Variants in EXOC4 observed in about 807,000 individuals in gnomAD.
The protein encoded by EXOC4 is SEC8-like 1.
A neutral mutation model predicts 107.2 loss-of-function variants in EXOC4; 71 were observed. That is an observed-to-expected ratio of 0.66 (90% CI 0.55 to 0.81). The LOEUF (loss-of-function observed/expected upper bound fraction) is 0.81. EXOC4 is among the 30% of genes least tolerant of loss of function. The probability of loss-of-function intolerance (pLI) is 0.00; values close to 1 mark genes in which losing one functional copy is unlikely to be tolerated. For synonymous variants in EXOC4, 456 were observed against 441.2 expected (o/e 1.03, Z -0.42); for missense variants, 1,108 against 1,189.6 (o/e 0.93, Z 1.01).
intron 7 of EXOC4, among the ~76,000 whole-genome samples, chr7:133,391,498 C>T (rs192242956): frequency 2.0e-5 from 3 of 152,254 alleles, no homozygotes; most frequent in East Asian, 1.9e-4. Context: ...GTGTAGGACA[C>T]GTGCGTACTG....
chr7:133,545,483 T>C (rs1563103311), intron 9 of EXOC4, among the ~76,000 whole-genome samples: 3 of 152,180 alleles, frequency 2.0e-5, no homozygotes, highest in South Asian at 4.1e-4. Context: ...CTTTCCCTTT[T>C]CCCATTAAAT....
intron 9 of EXOC4, among the ~76,000 whole-genome samples, chr7:133,597,904 A>G (rs566325429): frequency 6.6e-6 from 1 of 151,974 alleles, no homozygotes; most frequent in East Asian, 1.9e-4. Context: ...AATCAATCCC[A>G]GCTACTCTGG....
chr7:133,467,748 T>A (rs984378097), intron 7 of EXOC4, among the ~76,000 whole-genome samples: 1 of 150,410 alleles, frequency 6.6e-6, no homozygotes, highest in Admixed American at 6.6e-5. Flanking sequence ...TTCTGTGCCT[T>A]CATTTTTTTT....
At chr7:133,672,482 G>A (rs1435807056) in intron 10 of EXOC4, among the ~76,000 whole-genome samples, 4 of 151,890 alleles carry the variant, frequency 2.6e-5, no homozygotes, top group Non-Finnish European at 2.9e-5. Flanking sequence ...TCATATGTGT[G>A]TAGTGGTTAC....
intron 9 of EXOC4, among the ~76,000 whole-genome samples, chr7:133,489,003 A>G (rs1313364854): frequency 7.0e-5 from 4 of 57,278 alleles, no homozygotes; most frequent in Non-Finnish European, 1.3e-4. Flanking sequence ...TGTAATATAT[A>G]TGAATCTAAT....
chr7:133,759,144 A>ATTTTTTTTTTTTTT (rs34768347), intron 10 of EXOC4, among the ~76,000 whole-genome samples: 12 of 140,630 alleles, frequency 8.5e-5, no homozygotes, highest in Non-Finnish European at 1.2e-4. Flanking sequence ...CAACAAAAGA[A>ATTTTTTTTTTTTTT]TTTTTTTTTT....
At chr7:134,000,239 G>A (rs969335406) in intron 15 of EXOC4, among the ~76,000 whole-genome samples, 4 of 152,100 alleles carry the variant, frequency 2.6e-5, no homozygotes, top group South Asian at 2.1e-4. Context: ...GAATGTAGAT[G>A]CACTTACTCT....
rs760107195 is a variant in EXOC4, at chr7:133,328,724, T to C, written c.763+11334T>C. ...TGAAATCCTAGGTTGAAAATTCTTT[T>C]CTTTAAGAATGTTGAATATTGGCCC... On this transcript the variant is annotated intron_variant, in intron 5 of 17. Transcript: ENST00000253861. 1.8e-4 allele frequency among the ~76,000 whole-genome samples: 27 copies of C among 152,336 alleles called. No individual in the cohort carries two copies. In the South Asian group the frequency reaches 3.1e-3, roughly 18 times the overall value.
At chr7:134,006,982 T>G (rs1794656540) in intron 16 of EXOC4, among the ~76,000 whole-genome samples, 1 of 152,078 alleles carries the variant, frequency 6.6e-6, no homozygotes, top group African/African-American at 2.4e-5. Context: ...AAACTACTTG[T>G]GGGGGGGCCC....
chr7:133,346,040 A>C (rs1563028441), intron 5 of EXOC4, among the ~76,000 whole-genome samples: 1 of 152,200 alleles, frequency 6.6e-6, no homozygotes, highest in African/African-American at 2.4e-5. Context: ...CTCAACCTGT[A>C]CCAGTGGGTG....
intron 7 of EXOC4, among the ~76,000 whole-genome samples, chr7:133,422,930 T>G: frequency 2.4e-5 from 1 of 41,760 alleles, no homozygotes; most frequent in East Asian, 1.9e-3. Context: ...ATAGAATTAA[T>G]GGAGCAGGCC....
intron 9 of EXOC4, among the ~76,000 whole-genome samples, chr7:133,485,345 A>G (rs1044997029): frequency 1.3e-5 from 2 of 151,338 alleles, no homozygotes; most frequent in African/African-American, 2.4e-5. Context: ...TCTTATCCTC[A>G]TGTTCTTTCT....
At chr7:133,421,121 ATTC>A (rs1797594263) in intron 7 of EXOC4, among the ~76,000 whole-genome samples, 1 of 152,106 alleles carries the variant, frequency 6.6e-6, no homozygotes, top group East Asian at 1.9e-4. Context: ...AAGTTCTGTC[ATTC>A]TTCTCTTACA....
chr7:133,586,517 T>C (rs1801408686), intron 9 of EXOC4, among the ~76,000 whole-genome samples: 1 of 152,184 alleles, frequency 6.6e-6, no homozygotes, highest in Non-Finnish European at 1.5e-5. Context: ...CAGTCTACCA[T>C]TGATGGACAT....
rs184628145 is a variant in EXOC4 at position 133,446,002 on chromosome 7, C to T, written c.1183-29326C>T. 3.9e-3 allele frequency among the ~76,000 whole-genome samples: 432 copies of T among 111,262 alleles called. 3 individuals are homozygous for T. Among genetic ancestry groups the T allele is most frequent in the African/African-American group, 0.013 (402 of 30,370 alleles). The allele number at this position is 111,262 out of a possible 152,430, so 73.0% of individuals were successfully genotyped here. A position where few individuals can be genotyped will look rare whatever the true frequency, so the allele number is the denominator to read the frequency against. ...CTGCACTTCAGCCTGGGTGACAGAA[C>T]GGAACCCTGTCTTAAAAAAAAAAAA... is the stretch of plus-strand genomic sequence containing the variant. On this transcript the variant is annotated intron_variant, in intron 7 of 17. Transcript: ENST00000253861.
In EXOC4 at chr7:133,921,963, A is replaced by G. The variant is rs571090125; in HGVS notation, c.2027+4225A>G. Among the ~76,000 whole-genome samples the G allele has an allele frequency of 5.3e-5, 8 of 152,002 alleles. No homozygotes were observed. The East Asian group carries it at 1.5e-3, about 29-fold the overall frequency. On this transcript the variant is annotated intron_variant, in intron 13 of 17. Transcript: ENST00000253861. ...TGAAAGTTTCTATTGACATTTCTTC[A>G]GTGTCTCCAGTTCTTTCCTTGGCCA...
chr7:133,857,145 CACGTATATATAT>C (rs1798399126), intron 11 of EXOC4, among the ~76,000 whole-genome samples: 1 of 35,000 alleles, frequency 2.9e-5, no homozygotes, highest in Non-Finnish European at 4.9e-5. Flanking sequence ...TATACACATA[CACGTATATATAT>C]ATATATATAT....
chr7:133,933,320 T>G (rs2116707150), intron 13 of EXOC4, among the ~76,000 whole-genome samples: 1 of 152,328 alleles, frequency 6.6e-6, no homozygotes, highest in African/African-American at 2.4e-5. Context: ...TTTAACATTC[T>G]TCTTTAGTTT....
chr7:133,398,925 T>TA (rs1160824471), intron 7 of EXOC4, among the ~76,000 whole-genome samples: 2 of 152,224 alleles, frequency 1.3e-5, no homozygotes, highest in African/African-American at 2.4e-5. Flanking sequence ...TAATTACATT[T>TA]ATAAAGGTTA....
Sources: gnomAD v4.1 joint callset for allele counts (sites outside exome capture counted in the v4.1 genomes callset) on GRCh38, gnomAD v4.1.1 for gene constraint, MANE v1.5 for transcripts, NCBI Gene and HGNC (gene_info 2026-07-23, HGNC 2026-07-21) for gene names.